The following PNOC variants were observed in gnomAD, a reference collection of about 807,000 sequenced individuals.
PNOC encodes nociceptin.
In PNOC, 10 loss-of-function variants were observed where a neutral mutation model predicts 15.6. The ratio of observed to expected loss-of-function variants is 0.64; its 90% CI spans 0.40 to 1.09. The LOEUF (loss-of-function observed/expected upper bound fraction) is 1.09, where lower values mean the gene tolerates loss of function less well. Among genes scored for constraint, PNOC ranks in the 50% least tolerant of loss-of-function variants. The probability of loss-of-function intolerance (pLI) is 0.01; values close to 1 mark genes in which losing one functional copy is unlikely to be tolerated. For missense variants in PNOC, 220 were observed against 223.9 expected (o/e 0.98, Z 0.11); for synonymous variants, 98 against 88.5 (o/e 1.11, Z -0.60).
At chr8:28,338,472 C>T in intron 2 of PNOC, 1 of 469,280 alleles carries the variant, frequency 2.1e-6, no homozygotes, top group Non-Finnish European at 2.8e-6. Context: ...AGGGTCTTGA[C>T]CCCATTTGCT....
intron 2 of PNOC, among the ~76,000 whole-genome samples, chr8:28,330,235 C>T (rs574873741): frequency 4.2e-4 from 64 of 152,072 alleles, no homozygotes; most frequent in African/African-American, 1.2e-3. Context: ...CATGAGCCAC[C>T]GTGCCCCTCC....
chr8:28,338,842 G>T, intron 2 of PNOC, 198 bp from the exon 3 acceptor site: 1 of 1,075,604 alleles, frequency 9.3e-7, no homozygotes, highest in Non-Finnish European at 1.2e-6. Context: ...TGATGGAGCT[G>T]GGTCAGATGA....
intron 3 of PNOC, 133 bp downstream of exon 3, chr8:28,339,624 A>T (rs1021108836): frequency 1.2e-5 from 8 of 655,734 alleles, no homozygotes; most frequent in Non-Finnish European, 1.8e-5. Context: ...CCCCGCAAGG[A>T]GTCCAGCCCA....
chr8:28,335,291 G>T (rs1286480343), intron 2 of PNOC, among the ~76,000 whole-genome samples: 1 of 152,108 alleles, frequency 6.6e-6, no homozygotes, highest in East Asian at 1.9e-4. Flanking sequence ...TCTTGGACTG[G>T]GCCACAAGGC....
chr8:28,330,755 C>T (rs988387028), intron 2 of PNOC, among the ~76,000 whole-genome samples: 5 of 151,868 alleles, frequency 3.3e-5, no homozygotes, highest in African/African-American at 1.2e-4. Flanking sequence ...CCCTTAGTAC[C>T]AAAATGCTCT....
chr8:28,330,161 G>A (rs1801297637), intron 2 of PNOC, among the ~76,000 whole-genome samples: 1 of 151,806 alleles, frequency 6.6e-6, no homozygotes, highest in African/African-American at 2.4e-5. Context: ...GGCCAGGCTG[G>A]TCTTGAACCC....
intron 1 of PNOC, among the ~76,000 whole-genome samples, chr8:28,322,287 G>T (rs1170451621): frequency 6.6e-6 from 1 of 152,184 alleles, no homozygotes; most frequent in Non-Finnish European, 1.5e-5. Flanking sequence ...AGCTACTCAG[G>T]AGGCTGAGGC....
rs1801464963 is a variant in PNOC at position 28,339,114 on chromosome 8, G to A, written c.201G>A (p.Arg67=). The A allele has an allele frequency of 6.2e-7, 1 of 1,610,146 alleles. No homozygotes were observed. The highest frequency in any genetic ancestry group is 2.2e-5 in the East Asian group (1 of 44,764). Residue 67 remains arginine, a synonymous_variant, in exon 3 of 4, where the codon AGG becomes AGA. Coordinates refer to ENST00000301908, the MANE Select transcript of PNOC (RefSeq NM_006228.5). The stretch of plus-strand genomic sequence containing the variant: ...CTCCATGCACCAAGGTCATGGCCAG[G>A]AGCTCTTGGCAGCTCAGCCCTGCCG... The part of the protein sequence containing the change: ...LWTPCTKVMA[R]SSWQLSPAAP...
intron 1 of PNOC, among the ~76,000 whole-genome samples, chr8:28,327,700 G>A (rs1182171129): frequency 6.6e-6 from 1 of 151,792 alleles, no homozygotes; most frequent in African/African-American, 2.4e-5. Context: ...ATTTTTAGTA[G>A]AGATGGGGTT....
chr8:28,339,241 G>T lies in PNOC; in HGVS notation c.328G>T (p.Glu110Ter). ...RVRSLFQEQEEPEPGMEEAGE... is the reference protein window; with the variant it reads ...RVRSLFQEQE ...CCGGAGCTTGTTCCAGGAGCAGGAA[G>T]AGCCCGAGCCTGGCATGGAGGAGGC... Residue 110 changes from glutamate to a stop codon, truncating the protein, a stop_gained, in exon 3 of 4, where the codon GAG (glutamate) becomes TAG (stop). Transcript: ENST00000301908. LOFTEE classifies it high-confidence loss of function. 1 of 1,610,420 alleles carries T rather than the reference G, an allele frequency of 6.2e-7. No individual in the cohort carries two copies. Among genetic ancestry groups the T allele is most frequent in the Non-Finnish European group, 8.5e-7 (1 of 1,176,824 alleles).
chr8:28,329,107 T>C, intron 1 of PNOC, 28 bp from the exon 2 acceptor site: 1 of 1,609,180 alleles, frequency 6.2e-7, no homozygotes, highest in African/African-American at 1.3e-5. Flanking sequence ...ATGGCTGTAC[T>C]CATTGCCATG....
At chr8:28,341,763 T>C (rs1342636457) in intron 3 of PNOC, among the ~76,000 whole-genome samples, 1 of 152,204 alleles carries the variant, frequency 6.6e-6, no homozygotes, top group Non-Finnish European at 1.5e-5. Context: ...TTGGGTATTA[T>C]TGATGACTCT....
intron 1 of PNOC, among the ~76,000 whole-genome samples, chr8:28,323,209 T>TTA (rs1801175346): frequency 6.6e-6 from 1 of 152,254 alleles, no homozygotes; most frequent in Admixed American, 6.5e-5. Context: ...TAGTGGTATT[T>TTA]TATCTTTATA....
At chr8:28,337,080 G>C (rs73668439) in intron 2 of PNOC, among the ~76,000 whole-genome samples, 23,139 of 152,114 alleles carry the variant, frequency 0.15, 2,168 homozygotes, top group East Asian at 0.25. Context: ...GAACAGCCCA[G>C]GGCTGCAGTG....
At chr8:28,341,853 A>G (rs351782) in intron 3 of PNOC, among the ~76,000 whole-genome samples, 134,063 of 152,206 alleles carry the variant, frequency 0.88, 60,093 homozygotes, top group Non-Finnish European at 0.96. Context: ...GGATATTTAT[A>G]AGTCTATAAC....
chr8:28,339,344 C>T lies in PNOC; in HGVS notation c.431C>T (p.Ala144Val). The change falls in exon 3 of 4, where the codon GCC becomes GTC. Residue 144 changes from alanine (A) to valine (V), a missense_variant. Transcript: ENST00000301908. Reference protein sequence around the residue: ...TGARKSARKLANQKRFSEFMR... With the variant: ...TGARKSARKLVNQKRFSEFMR... ...GCCCGGAAGTCGGCCAGGAAGTTGG[C>T]CAATCAGAAGCGGTTCAGTGAGTTT... is the stretch of plus-strand genomic sequence containing the variant. 1 of 1,610,876 alleles carries T rather than the reference C, an allele frequency of 6.2e-7. No individual in the cohort carries two copies. The highest frequency in any genetic ancestry group is 8.5e-7 in the Non-Finnish European group (1 of 1,177,854).
chr8:28,322,855 T>G (rs1801171817), intron 1 of PNOC, among the ~76,000 whole-genome samples: 1 of 152,240 alleles, frequency 6.6e-6, no homozygotes, highest in African/African-American at 2.4e-5. Context: ...GTCAACTTGC[T>G]TAACCTCTAA....
intron 1 of PNOC, 91 bp from the exon 2 acceptor site, chr8:28,329,044 G>A (rs1273471282): frequency 2.4e-6 from 3 of 1,259,400 alleles, no homozygotes; most frequent in Non-Finnish European, 1.1e-6. Flanking sequence ...GCAGAGAAGT[G>A]TCTTTCCTGC....
chr8:28,323,122 A>T (rs1801174866), intron 1 of PNOC, among the ~76,000 whole-genome samples: 1 of 152,212 alleles, frequency 6.6e-6, no homozygotes, highest in Admixed American at 6.5e-5. Flanking sequence ...TGCATATGTG[A>T]TTCTCCAAAC....
Sources: allele counts gnomAD v4.1 joint callset (sites outside exome capture counted in the v4.1 genomes callset), GRCh38; gene constraint gnomAD v4.1.1; transcripts MANE v1.5; gene names NCBI Gene and HGNC (gene_info 2026-07-23, HGNC 2026-07-21).